STN1: variants seen among roughly 807,000 people sequenced by gnomAD.
STN1 encodes the protein STN1 subunit of CST complex.
Under a neutral mutation model 45.5 loss-of-function variants are expected in STN1, and 29 were observed. The observed-to-expected ratio is 0.64, with a 90% confidence interval of 0.47 to 0.87. The LOEUF is 0.87. Among genes scored for constraint, STN1 ranks in the 40% least tolerant of loss-of-function variants. The probability of loss-of-function intolerance (pLI) is 0.00; values close to 1 mark genes in which losing one functional copy is unlikely to be tolerated. For synonymous variants in STN1, 148 were observed against 159.0 expected, an observed-to-expected ratio of 0.93 and a Z score of 0.52; for missense variants, 376 against 441.4, an observed-to-expected ratio of 0.85 and a Z score of 1.33.
intron 4 of STN1, among the ~76,000 whole-genome samples, chr10:103,902,466 T>C (rs1204958245): frequency 6.6e-6 from 1 of 152,220 alleles, no homozygotes; most frequent in Non-Finnish European, 1.5e-5. Context: ...GTGAGCCAAG[T>C]TGCCAAAAGG....
intron 9 of STN1, 66 bp downstream of exon 9, chr10:103,889,006 T>C: frequency 1.8e-6 from 2 of 1,138,972 alleles, no homozygotes; most frequent in South Asian, 2.5e-5. Context: ...CTCCATCCAG[T>C]GCTCCCCGGG....
At chr10:103,889,167 A>G in intron 8 of STN1, 23 bp from the exon 9 acceptor site, 1 of 1,531,224 alleles carries the variant, frequency 6.5e-7, no homozygotes, top group Non-Finnish European at 9.1e-7. Context: ...AATAGTTGAG[A>G]GAGAGAGTGT....
chr10:103,914,357 T>TAC lies in STN1; in HGVS notation c.133+3104_133+3105insGT, dbSNP rs1843311912. ...ATACATATATATATATATATATATATATATATATATATATATATTTTTTTT... is the reference window on the plus strand; with the variant it reads ...ATACATATATATATATATATATATATACATATATATATATATATATTTTTTTT... On this transcript the variant is annotated intron_variant, in intron 2 of 9. Coordinates refer to ENST00000224950, the MANE Select transcript of STN1 (RefSeq NM_024928.5). Among the ~76,000 whole-genome samples, 54 of 76,358 alleles carry TAC rather than the reference T, an allele frequency of 7.1e-4. 1 individual carries two copies. Among genetic ancestry groups the TAC allele is most frequent in the African/African-American group, 3.4e-3 (51 of 15,208 alleles). 50.1% of individuals were successfully genotyped at this position (76,358 alleles called of 152,430 possible). A position where few individuals can be genotyped will look rare whatever the true frequency, so the allele number is the denominator to read the frequency against.
chr10:103,905,951 G>A (rs994657395), intron 3 of STN1, among the ~76,000 whole-genome samples: 2 of 151,908 alleles, frequency 1.3e-5, no homozygotes, highest in Non-Finnish European at 2.9e-5. Context: ...CCTAATTTCC[G>A]ACAAACTCAG....
At chr10:103,895,045 C>A (rs1843162398) in intron 7 of STN1, among the ~76,000 whole-genome samples, 1 of 152,202 alleles carries the variant, frequency 6.6e-6, no homozygotes, top group Non-Finnish European at 1.5e-5. Context: ...GGGTTTCAGT[C>A]TCATTGTAAA....
At chr10:103,895,638 T>C (rs910956472) in intron 7 of STN1, among the ~76,000 whole-genome samples, 1 of 152,146 alleles carries the variant, frequency 6.6e-6, no homozygotes, top group Non-Finnish European at 1.5e-5. Flanking sequence ...TATGAAACCA[T>C]GGGTCACTGG....
Position 103,891,960 on chromosome 10 carries a change from A to C in STN1, c.876+170T>G, listed in dbSNP as rs1043008210. Among the ~76,000 whole-genome samples the C allele has an allele frequency of 5.3e-5, 8 of 152,358 alleles. No homozygotes were observed. In the Middle Eastern group the frequency reaches 0.017, roughly 324 times the overall value. On this transcript the variant is annotated intron_variant, in intron 8 of 9. Coordinates refer to ENST00000224950, the MANE Select transcript of STN1 (RefSeq NM_024928.5). Reference sequence around the variant, plus strand: ...TCAAACTTGTGTGGTTCATGGGTCAACTGTATTATTAAAAGAGATACCTCG... The same window carrying C: ...TCAAACTTGTGTGGTTCATGGGTCACCTGTATTATTAAAAGAGATACCTCG...
At chr10:103,906,166 T>G (rs1016108075) in intron 3 of STN1, among the ~76,000 whole-genome samples, 1 of 152,104 alleles carries the variant, frequency 6.6e-6, no homozygotes. Context: ...TTATTAAATA[T>G]AAAAAAGGTA....
chr10:103,890,838 T>A (rs528691570), intron 8 of STN1, among the ~76,000 whole-genome samples: 1 of 152,242 alleles, frequency 6.6e-6, no homozygotes, highest in African/African-American at 2.4e-5. Flanking sequence ...TGCCTGTGAA[T>A]AGTGAGACTT....
chr10:103,900,421 A>G (rs1188347329), intron 4 of STN1, among the ~76,000 whole-genome samples, 198 bp from the exon 5 acceptor site: 2 of 152,224 alleles, frequency 1.3e-5, no homozygotes, highest in Non-Finnish European at 2.9e-5. Flanking sequence ...TAATTATTCA[A>G]GAGCGGGGTG....
At chr10:103,915,443 G>A (rs1038649990) in intron 2 of STN1, among the ~76,000 whole-genome samples, 3 of 152,110 alleles carry the variant, frequency 2.0e-5, no homozygotes, top group Non-Finnish European at 4.4e-5. Flanking sequence ...AGTGTGGTTC[G>A]AGAGGGCACC....
At chr10:103,884,378 A>T (rs1261130600) in intron 9 of STN1, among the ~76,000 whole-genome samples, 1 of 152,192 alleles carries the variant, frequency 6.6e-6, no homozygotes, top group East Asian at 1.9e-4. Context: ...GTTACAGAAT[A>T]TCTTGCATTG....
At chr10:103,885,744 C>T (rs1387115666) in intron 9 of STN1, among the ~76,000 whole-genome samples, 2 of 152,058 alleles carry the variant, frequency 1.3e-5, no homozygotes, top group Non-Finnish European at 2.9e-5. Flanking sequence ...TAGGAAAGGC[C>T]AGCAAGGAGC....
chr10:103,908,571 G>A (rs1843259440), intron 3 of STN1, among the ~76,000 whole-genome samples: 1 of 152,224 alleles, frequency 6.6e-6, no homozygotes, highest in Non-Finnish European at 1.5e-5. Context: ...ACAGCAAGGA[G>A]AGGGGCAGTT....
Position 103,882,855 on chromosome 10 carries a change from GT to G in STN1, c.950-15del, listed in dbSNP as rs754990579. 2.5e-6 allele frequency: 4 copies of G among 1,605,214 alleles called. No homozygotes were observed. In the East Asian group the frequency reaches 8.9e-5, roughly 36 times the overall value. On this transcript the variant is annotated splice_polypyrimidine_tract_variant and intron_variant, in intron 9 of 9. Coordinates refer to ENST00000224950, the MANE Select transcript of STN1 (RefSeq NM_024928.5). ...CCTTCTCCATGTCTGCAGGAAAAAG[GT>G]AGGTGGCTGAGTGTGGACACAACTG...
At chr10:103,902,809 A>C (rs556900142) in intron 4 of STN1, among the ~76,000 whole-genome samples, 10 of 152,240 alleles carry the variant, frequency 6.6e-5, no homozygotes, top group Non-Finnish European at 1.2e-4. Flanking sequence ...AGAATGGGCT[A>C]GTTGGGAACA....
chr10:103,893,184 T>C (rs1199870288), intron 7 of STN1, among the ~76,000 whole-genome samples: 1 of 152,194 alleles, frequency 6.6e-6, no homozygotes, highest in East Asian at 1.9e-4. Context: ...AGATCCTTTT[T>C]TTTTTTGAGA....
chr10:103,900,586 C>T (rs1300122255), intron 4 of STN1, among the ~76,000 whole-genome samples: 4 of 152,128 alleles, frequency 2.6e-5, no homozygotes, highest in African/African-American at 9.7e-5. Flanking sequence ...GCAGCAATAG[C>T]TTTAAACAAC....
chr10:103,888,579 A>C (rs1271217564), intron 9 of STN1, among the ~76,000 whole-genome samples: 1 of 152,236 alleles, frequency 6.6e-6, no homozygotes, highest in Non-Finnish European at 1.5e-5. Flanking sequence ...CACCGTTCAT[A>C]AACAGTCATG....
Sources: gnomAD v4.1 joint callset for allele counts (sites outside exome capture counted in the v4.1 genomes callset) on GRCh38, gnomAD v4.1.1 for gene constraint, MANE v1.5 for transcripts, NCBI Gene and HGNC (gene_info 2026-07-23, HGNC 2026-07-21) for gene names.